IGF1R: variants seen among roughly 807,000 people sequenced by gnomAD.
IGF1R encodes insulin like growth factor 1 receptor, also known as insulin-like growth factor 1 receptor.
In IGF1R, 44 loss-of-function variants were observed where a neutral mutation model predicts 144.6. The ratio of observed to expected loss-of-function variants is 0.30; its 90% CI spans 0.24 to 0.39. The LOEUF is 0.39. Among genes scored for constraint, IGF1R ranks in the 10% least tolerant of loss-of-function variants. IGF1R has a pLI of 1.00. For missense variants in IGF1R, 1,355 were observed against 1,833.7 expected, an observed-to-expected ratio of 0.74 and a Z score of 4.77; for synonymous variants, 795 against 722.8, an observed-to-expected ratio of 1.10 and a Z score of -1.60.
At chr15:98,768,876 G>T (rs780175414) in intron 2 of IGF1R, among the ~76,000 whole-genome samples, 1 of 150,446 alleles carries the variant, frequency 6.6e-6, no homozygotes, top group Non-Finnish European at 1.5e-5. Flanking sequence ...TGCAGTGAGC[G>T]GAGATCACAC....
chr15:98,852,296 GCGCGCGCGCCCCAC>G (rs1448880681), intron 2 of IGF1R, among the ~76,000 whole-genome samples: 1 of 152,038 alleles, frequency 6.6e-6, no homozygotes, highest in Non-Finnish European at 1.5e-5. Flanking sequence ...CTTTTGTCTG[GCGCGCGCGCCCCAC>G]CCCGCCCCGG....
intron 2 of IGF1R, among the ~76,000 whole-genome samples, chr15:98,788,034 A>T (rs1345760288): frequency 7.5e-6 from 1 of 133,780 alleles, no homozygotes; most frequent in African/African-American, 2.8e-5. Flanking sequence ...GTGGGTAGGG[A>T]TCTCTCTCTC....
intron 2 of IGF1R, among the ~76,000 whole-genome samples, chr15:98,826,184 G>A (rs1361023131): frequency 6.6e-6 from 1 of 152,182 alleles, no homozygotes; most frequent in East Asian, 1.9e-4. Context: ...TGCATATTGC[G>A]GGAGTTCAGT....
At chr15:98,688,774 C>T (rs185480706) in intron 1 of IGF1R, among the ~76,000 whole-genome samples, 39 of 152,160 alleles carry the variant, frequency 2.6e-4, no homozygotes, top group African/African-American at 8.7e-4. Context: ...TTGGAAATGG[C>T]GTGCAAGCTC....
chr15:98,922,044 C>T (rs909244075), intron 10 of IGF1R, 104 bp from the exon 11 acceptor site: 2 of 1,277,542 alleles, frequency 1.6e-6, no homozygotes, highest in African/African-American at 1.5e-5. Context: ...CTCAATAGCT[C>T]CTTCTATTCC....
At position 98,875,342 on chromosome 15, in the gene IGF1R, T is replaced by C. The variant is rs555434703; in HGVS notation, c.641-15983T>C. Among the ~76,000 whole-genome samples the C allele has an allele frequency of 8.6e-3, 1,186 of 137,594 alleles. 16 individuals carry two copies. The highest frequency in any genetic ancestry group is 0.029 in the African/African-American group (1,110 of 38,768). The allele number at this position is 137,594 out of a possible 152,430, so 90.3% of individuals were successfully genotyped here. A position where few individuals can be genotyped will look rare whatever the true frequency, so the allele number is the denominator to read the frequency against. ...TTTTAGTTTCTTTCTTTCTTTTCTT[T>C]TCTTTTCTTTTTTTTTTTTTTTTAG... On this transcript the variant is annotated intron_variant, in intron 2 of 20. Coordinates refer to ENST00000650285, the MANE Select transcript of IGF1R (RefSeq NM_000875.5).
rs373203214 is a variant in IGF1R at position 98,916,147 on chromosome 15, C to T, written c.1996+16C>T. ...TGCTCCAAAGGTAAGGGTGCAGCAG[C>T]GGCCTGGACGGAGGGTGTGACCGTT... On this transcript the variant is annotated intron_variant, in intron 9 of 20. Transcript: ENST00000650285. 3.7e-5 allele frequency: 60 copies of T among 1,613,392 alleles called. No homozygotes were observed. Among genetic ancestry groups the T allele is most frequent in the African/African-American group, 1.3e-4 (10 of 74,884 alleles).
chr15:98,708,384 C>T (rs1249507823), intron 2 of IGF1R, among the ~76,000 whole-genome samples: 1 of 152,142 alleles, frequency 6.6e-6, no homozygotes, highest in South Asian at 2.1e-4. Context: ...AGAAATAATC[C>T]AGCACACTCC....
At chr15:98,843,856 C>T (rs2011223182) in intron 2 of IGF1R, among the ~76,000 whole-genome samples, 1 of 152,130 alleles carries the variant, frequency 6.6e-6, no homozygotes, top group South Asian at 2.1e-4. Context: ...TCTTGTCAAG[C>T]AGTATATTTT....
At chr15:98,730,717 A>G (rs1221633837) in intron 2 of IGF1R, among the ~76,000 whole-genome samples, 1 of 152,250 alleles carries the variant, frequency 6.6e-6, no homozygotes, top group Admixed American at 6.5e-5. Context: ...ATTTTTAAAT[A>G]TTCGAGATCT....
intron 3 of IGF1R, among the ~76,000 whole-genome samples, chr15:98,895,097 AG>A (rs1243024296): frequency 6.6e-6 from 1 of 151,670 alleles, no homozygotes; most frequent in Non-Finnish European, 1.5e-5. Context: ...ATTGGGGACT[AG>A]GTTGGGCAGG....
At chr15:98,945,746 C>A (rs1034124658) in intron 19 of IGF1R, among the ~76,000 whole-genome samples, 1 of 152,090 alleles carries the variant, frequency 6.6e-6, no homozygotes, top group Admixed American at 6.5e-5. Flanking sequence ...TGAAATGGCT[C>A]CTGTGGCAAC....
At chr15:98,928,959 T>C (rs749383862) in intron 13 of IGF1R, among the ~76,000 whole-genome samples, 11 of 152,152 alleles carry the variant, frequency 7.2e-5, no homozygotes, top group Non-Finnish European at 1.3e-4. Context: ...ATCTCAAAGA[T>C]TGAGGCCAGC....
chr15:98,806,435 C>T (rs2056473031), intron 2 of IGF1R, among the ~76,000 whole-genome samples: 1 of 151,976 alleles, frequency 6.6e-6, no homozygotes, highest in Non-Finnish European at 1.5e-5. Context: ...CCTCTGCTGG[C>T]ATCTGTGGGC....
chr15:98,766,072 T>C (rs2055430817), intron 2 of IGF1R, among the ~76,000 whole-genome samples: 1 of 152,060 alleles, frequency 6.6e-6, no homozygotes, highest in Admixed American at 6.6e-5. Context: ...CAGCCTGTCA[T>C]GGGGAAGGGT....
intron 8 of IGF1R, 50 bp downstream of exon 8, chr15:98,913,332 A>G (rs1274018158): frequency 7.2e-7 from 1 of 1,398,498 alleles, no homozygotes. Flanking sequence ...TCGCAAGCTC[A>G]CTGGCCTTGC....
chr15:98,962,196 G>A lies in IGF1R; in HGVS notation c.*4754G>A, dbSNP rs1473953781. 1 of 233,232 alleles carries A rather than the reference G, an allele frequency of 4.3e-6. No individual in the cohort carries two copies. The highest frequency in any genetic ancestry group is 8.5e-6 in the Non-Finnish European group (1 of 118,098). The allele number at this position is 233,232 out of a possible 1,614,324, so 14.4% of individuals were successfully genotyped here. ...CTGTCACGTTGGCTCCTTCCAGGGT[G>A]GCCAGACGGTGTTGGCCACTCCCTT... On this transcript the variant is annotated 3_prime_UTR_variant, in exon 21 of 21. Coordinates refer to ENST00000650285, the MANE Select transcript of IGF1R (RefSeq NM_000875.5).
At chr15:98,715,960 G>C (rs1479190184) in intron 2 of IGF1R, among the ~76,000 whole-genome samples, 1 of 152,204 alleles carries the variant, frequency 6.6e-6, no homozygotes, top group Non-Finnish European at 1.5e-5. Context: ...ATGATCTGCA[G>C]AACTTCTGGG....
chr15:98,790,399 C>T (rs987185135), intron 2 of IGF1R, among the ~76,000 whole-genome samples: 2 of 152,166 alleles, frequency 1.3e-5, no homozygotes, highest in African/African-American at 4.8e-5. Flanking sequence ...TGCTTGTGAG[C>T]ACAGAAAACG....
Sources: allele counts gnomAD v4.1 joint callset (sites outside exome capture counted in the v4.1 genomes callset), GRCh38; gene constraint gnomAD v4.1.1; transcripts MANE v1.5; gene names NCBI Gene and HGNC (gene_info 2026-07-23, HGNC 2026-07-21).